Variants in SEC16A observed in about 807,000 individuals in gnomAD.
SEC16A encodes protein transport protein Sec16A.
A neutral mutation model predicts 221.9 loss-of-function variants in SEC16A; 110 were observed. That is an observed-to-expected ratio of 0.50 (90% CI 0.42 to 0.58). The LOEUF is 0.58. Ranked by LOEUF, SEC16A falls within the 20% of genes least tolerant of loss-of-function variation. SEC16A has a pLI of 0.00. For synonymous variants in SEC16A, 1,393 were observed against 1,257.7 expected, an observed-to-expected ratio of 1.11 and a Z score of -2.28; for missense variants, 3,165 against 3,097.8, an observed-to-expected ratio of 1.02 and a Z score of -0.52.
Position 136,476,549 on chromosome 9 carries a change from C to T in SEC16A, c.1067G>A (p.Gly356Glu), listed in dbSNP as rs775065160. 13 of 1,610,820 alleles carry T rather than the reference C, an allele frequency of 8.1e-6. No individual in the cohort carries two copies. The highest frequency in any genetic ancestry group is 1.7e-5 in the Admixed American group (1 of 59,914). Residue 356 changes from glycine to glutamate, a missense_variant, in exon 3 of 32, where the codon GGG (glycine) becomes GAG (glutamate). Transcript: ENST00000684901. ...TGCTTCTAGCGGGGCACAGCCAGACCCGGCCCCAGCCCCCAGTGGGTGGTG... is the reference window on the plus strand; with the variant it reads ...TGCTTCTAGCGGGGCACAGCCAGACTCGGCCCCAGCCCCCAGTGGGTGGTG... ...RTHHPLGAGA[G>E]SGCAPLEADS...
chr9:136,474,466 G>A lies in SEC16A; in HGVS notation c.3150C>T (p.Gly1050=), dbSNP rs756632111. Residue 1050 remains glycine, a synonymous_variant, in exon 3 of 32, where the codon GGC becomes GGT. Transcript: ENST00000684901. ...FYQQVTKDAQ[G]QPGLERAQQE... The stretch of plus-strand genomic sequence containing the variant: ...GCTGGGCTCTTTCGAGGCCAGGCTG[G>A]CCCTGGGCATCTTTCGTGACCTGCT... 3 of 1,612,954 alleles carry A rather than the reference G, an allele frequency of 1.9e-6. No individual in the cohort carries two copies. The highest frequency in any genetic ancestry group is 2.2e-5 in the South Asian group (2 of 91,090).
chr9:136,473,135 C>T (rs1588992038), intron 3 of SEC16A, among the ~76,000 whole-genome samples: 1 of 152,362 alleles, frequency 6.6e-6, no homozygotes, highest in Admixed American at 6.5e-5. Context: ...CCCCATTCCC[C>T]GGGGCAGTAC....
chr9:136,467,720 A>G (rs547139138), intron 5 of SEC16A, among the ~76,000 whole-genome samples: 4 of 152,366 alleles, frequency 2.6e-5, no homozygotes, highest in Non-Finnish European at 5.9e-5. Context: ...GTCTTTTATC[A>G]TCTTTTCTAA....
At chr9:136,481,475 C>G (rs917879709) in intron 1 of SEC16A, among the ~76,000 whole-genome samples, 1 of 152,186 alleles carries the variant, frequency 6.6e-6, no homozygotes, top group Non-Finnish European at 1.5e-5. Flanking sequence ...TCATCTAATT[C>G]TTTTATTGTT....
intron 8 of SEC16A, among the ~76,000 whole-genome samples, chr9:136,465,650 A>G (rs1167215695): frequency 6.6e-6 from 1 of 152,212 alleles, no homozygotes; most frequent in African/African-American, 2.4e-5. Context: ...ACGCCTGCTG[A>G]GCCACGGGGT....
chr9:136,449,153 T>C lies in SEC16A; in HGVS notation c.6313-992A>G, dbSNP rs193145318. On this transcript the variant is annotated intron_variant, in intron 23 of 31. Transcript: ENST00000684901. ...GTGGAAGGCGGGCTGTCCAAGTCAG[T>C]GTGTGTCGGAGGCAGATACAGCCCT... Among the ~76,000 whole-genome samples, 70 of 152,322 alleles carry C rather than the reference T, an allele frequency of 4.6e-4. 2 individuals carry two copies. Among genetic ancestry groups the C allele is most frequent in the Non-Finnish European group, 5.9e-5 (4 of 68,022 alleles).
chr9:136,448,509 A>C, intron 23 of SEC16A: 2 of 713,156 alleles, frequency 2.8e-6, no homozygotes, highest in Non-Finnish European at 5.2e-6. Flanking sequence ...ATCCACAGAG[A>C]CACCAGGAGG....
In SEC16A at chr9:136,448,147, G is replaced by A; in HGVS notation, c.6327C>T (p.Phe2109=). ...TKEPKKGESW[F]FRWLPGKKKT... ...TTTTCTTTCCAGGTAGCCAACGAAA[G>A]AACCAGGATTCACCCTAAATATAAA... is the stretch of plus-strand genomic sequence containing the variant. Residue 2109 remains phenylalanine, a synonymous_variant, in exon 24 of 32, where the codon TTC becomes TTT. Transcript: ENST00000684901. 1 of 1,613,502 alleles carries A rather than the reference G, an allele frequency of 6.2e-7. No individual in the cohort carries two copies. Among genetic ancestry groups the A allele is most frequent in the Non-Finnish European group, 8.5e-7 (1 of 1,179,542 alleles).
At chr9:136,446,104 GTTTT>G (rs900305729) in intron 28 of SEC16A, among the ~76,000 whole-genome samples, 2 of 135,112 alleles carry the variant, frequency 1.5e-5, no homozygotes, top group Non-Finnish European at 1.6e-5. Flanking sequence ...GTCTGAGCTG[GTTTT>G]TTTTTTTTTT....
rs765129925 is a variant in SEC16A, at chr9:136,453,513, G to T, written c.6077-3C>A. ...AGGCGCCTCCTGCGGCACTATCCCT[G>T]TCAACGGGAAAGAGAGCAACTATGA... On this transcript the variant is annotated splice_polypyrimidine_tract_variant and splice_region_variant and intron_variant, in intron 21 of 31. Transcript: ENST00000684901. The T allele has an allele frequency of 6.2e-7, 1 of 1,611,032 alleles. No homozygotes were observed. Among genetic ancestry groups the T allele is most frequent in the Non-Finnish European group, 8.5e-7 (1 of 1,177,438 alleles).
At chr9:136,482,017 C>A (rs1345413548) in intron 1 of SEC16A, among the ~76,000 whole-genome samples, 1 of 152,224 alleles carries the variant, frequency 6.6e-6, no homozygotes, top group Non-Finnish European at 1.5e-5. Flanking sequence ...AAAGTGCCCA[C>A]TGCCTCAAAG....
intron 23 of SEC16A, chr9:136,448,522 G>A (rs1564460725): frequency 5.6e-6 from 4 of 714,532 alleles, no homozygotes; most frequent in Non-Finnish European, 1.0e-5. Context: ...CCAGGAGGAT[G>A]GAGGTGGGAG....
In SEC16A at chr9:136,463,000, C is replaced by T. The variant is rs765192503; in HGVS notation, c.4780G>A (p.Glu1594Lys). 1.2e-6 allele frequency: 2 copies of T among 1,611,180 alleles called. No individual in the cohort carries two copies. Among genetic ancestry groups the T allele is most frequent in the South Asian group, 2.2e-5 (2 of 91,088 alleles). Residue 1594 changes from glutamate (E) to lysine (K), a missense_variant, in exon 12 of 32, where the codon GAG (glutamate) becomes AAG (lysine). Glu to Lys is a moderately conservative substitution (Grantham distance 56). This residue lies in a region of SEC16A where 1,088 missense variants were observed against 1,089.6 expected (regional missense o/e 1.00). Coordinates refer to ENST00000684901, the MANE Select transcript of SEC16A (RefSeq NM_014866.2). ...AAAGAGAGCTGGGCCTCACCAGACT[C>T]CTCCTCTTCCACCTGCTCCACTGCC... ...NEAVEQVEEE[E>K]SGEAQLSFLT...
chr9:136,464,315 G>T, intron 9 of SEC16A, 105 bp downstream of exon 9: 1 of 1,071,680 alleles, frequency 9.3e-7, no homozygotes, highest in Non-Finnish European at 1.3e-6. Flanking sequence ...TTCCAAGGAC[G>T]TATGTCCAGA....
chr9:136,461,885 T>C (rs999830794), intron 12 of SEC16A, among the ~76,000 whole-genome samples: 8 of 151,886 alleles, frequency 5.3e-5, no homozygotes, highest in African/African-American at 1.5e-4. Flanking sequence ...GGTGGGCGGA[T>C]TGCTTGAGCC....
At chr9:136,453,694 CTA>C (rs1838203249) in intron 21 of SEC16A, among the ~76,000 whole-genome samples, 184 bp from the exon 22 acceptor site, 1 of 152,230 alleles carries the variant, frequency 6.6e-6, no homozygotes, top group Admixed American at 6.5e-5. Flanking sequence ...AAAACTAGGC[CTA>C]TGTTTTGCTT....
chr9:136,459,011 C>CATG lies in SEC16A; in HGVS notation c.5409+122_5409+123insCAT. On this transcript the variant is annotated intron_variant, in intron 17 of 31. Coordinates refer to ENST00000684901, the MANE Select transcript of SEC16A (RefSeq NM_014866.2). This position sits in a 1 kb window ranked among gnomAD's most constrained non-coding sequence, Gnocchi z 6.1. ...TTAGATCAAATGTCTTCTCAAGATC[C>CATG]TCCCCCAAAAAACTCACATCATTTT... is the stretch of plus-strand genomic sequence containing the variant. 1.7e-6 allele frequency: 1 copy of CATG among 588,226 alleles called. No homozygotes were observed. The highest frequency in any genetic ancestry group is 2.9e-6 in the Non-Finnish European group (1 of 339,200). The allele number at this position is 588,226 out of a possible 1,614,324, so 36.4% of individuals were successfully genotyped here.
Position 136,447,426 on chromosome 9 carries a change from C to T in SEC16A, c.6560-62G>A, listed in dbSNP as rs1837161572. 12 of 1,578,634 alleles carry T rather than the reference C, an allele frequency of 7.6e-6. No homozygotes were observed. Among genetic ancestry groups the T allele is most frequent in the Non-Finnish European group, 1.0e-5 (12 of 1,162,598 alleles). On this transcript the variant is annotated intron_variant, in intron 26 of 31. Transcript: ENST00000684901. The surrounding 1 kb of genome is among the most constrained non-coding windows in gnomAD (Gnocchi z 5.5). ...CCAGGTGGCCTCCAGCTTCCAAATG[C>T]TCTGCGCTCACTGCGTCAGAGGAAA...
At position 136,459,332 on chromosome 9, in the gene SEC16A, C is replaced by A. The variant is rs117058801; in HGVS notation, c.5304-93G>T. On this transcript the variant is annotated intron_variant, in intron 16 of 31. Coordinates refer to ENST00000684901, the MANE Select transcript of SEC16A (RefSeq NM_014866.2). This position sits in a 1 kb window ranked among gnomAD's most constrained non-coding sequence, Gnocchi z 6.1. Reference sequence around the variant, plus strand: ...CAAATCATCCAGAAGTGTGTCCCACCACGTGACAAATAAAGACATGATTCT... The same window carrying A: ...CAAATCATCCAGAAGTGTGTCCCACAACGTGACAAATAAAGACATGATTCT... The A allele has an allele frequency of 7.8e-6, 11 of 1,416,330 alleles. No homozygotes were observed. The highest frequency in any genetic ancestry group is 8.9e-6 in the Non-Finnish European group (9 of 1,013,918). 87.7% of individuals were successfully genotyped at this position (1,416,330 alleles called of 1,614,324 possible). A position where few individuals can be genotyped will look rare whatever the true frequency, so the allele number is the denominator to read the frequency against.
Sources: allele counts gnomAD v4.1 joint callset (sites outside exome capture counted in the v4.1 genomes callset), GRCh38; gene constraint gnomAD v4.1.1; regional missense constraint gnomAD v4.1.1; non-coding constraint Gnocchi (gnomAD v3.1); transcripts MANE v1.5; gene names NCBI Gene and HGNC (gene_info 2026-07-23, HGNC 2026-07-21).